The following SYT6 variants were observed in gnomAD, a reference collection of about 807,000 sequenced individuals.
The protein encoded by SYT6 is synaptotagmin 6.
SYT6 carries 24 observed loss-of-function variants against 38.4 expected under a neutral mutation model. That is an observed-to-expected ratio of 0.62 (90% CI 0.45 to 0.88). SYT6 has a LOEUF of 0.88. SYT6 is among the 40% of genes least tolerant of loss of function. SYT6 has a pLI of 0.00. For missense variants in SYT6, 611 were observed against 621.0 expected (o/e 0.98, Z 0.17); for synonymous variants, 265 against 241.9 (o/e 1.10, Z -0.89).
chr1:114,149,645 G>C (rs907632801), intron 1 of SYT6, among the ~76,000 whole-genome samples: 7 of 152,072 alleles, frequency 4.6e-5, no homozygotes, highest in African/African-American at 1.7e-4. Context: ...AATATTATTA[G>C]TTTGGTGGAT....
chr1:114,139,544 T>C, intron 2 of SYT6, 71 bp downstream of exon 2: 1 of 1,581,632 alleles, frequency 6.3e-7, no homozygotes, highest in Non-Finnish European at 8.6e-7. Flanking sequence ...CCCCACAGGC[T>C]GGAATCCCAT....
Position 114,091,398 on chromosome 1 carries a change from G to A in SYT6, c.*736C>T, listed in dbSNP as rs1675293149. The A allele has an allele frequency of 6.6e-6, 1 of 152,412 alleles. No homozygotes were observed. The highest frequency in any genetic ancestry group is 6.5e-5 in the Admixed American group (1 of 15,292). The allele number at this position is 152,412 out of a possible 1,614,324, so 9.4% of individuals were successfully genotyped here. On this transcript the variant is annotated 3_prime_UTR_variant, in exon 8 of 8. Transcript: ENST00000610222. ...TTCAATTCATGGGGAAAGCCAGCGA[G>A]GAAGGGGAGCGAGGAACCCTGCACA...
At chr1:114,096,178 G>A (rs1216011569) in intron 6 of SYT6, among the ~76,000 whole-genome samples, 2 of 152,164 alleles carry the variant, frequency 1.3e-5, no homozygotes, top group Non-Finnish European at 2.9e-5. Flanking sequence ...GGTGCTGGAT[G>A]CTGTCTGCAG....
At chr1:114,110,546 G>T (rs751132924) in intron 3 of SYT6, among the ~76,000 whole-genome samples, 2 of 152,188 alleles carry the variant, frequency 1.3e-5, no homozygotes, top group African/African-American at 4.8e-5. Flanking sequence ...GTAAGCAAAG[G>T]GTAAGAGGGA....
intron 3 of SYT6, among the ~76,000 whole-genome samples, chr1:114,113,926 C>G (rs887518518): frequency 6.6e-6 from 1 of 152,210 alleles, no homozygotes; most frequent in Non-Finnish European, 1.5e-5. Flanking sequence ...GGGCCCTCCA[C>G]GAACGGGGCT....
Position 114,090,471 on chromosome 1 carries a change from T to C in SYT6, c.*1663A>G, listed in dbSNP as rs1380286103. ...TCATTTTTAGGGCTAGAAGATACTA[T>C]GCAGCGTTCTATCAGCAGAGAAATC... On this transcript the variant is annotated 3_prime_UTR_variant, in exon 8 of 8. Transcript: ENST00000610222. 6.6e-6 allele frequency: 1 copy of C among 152,406 alleles called. No individual in the cohort carries two copies. Among genetic ancestry groups the C allele is most frequent in the Non-Finnish European group, 1.5e-5 (1 of 68,050 alleles). The allele number at this position is 152,406 out of a possible 1,614,324, so 9.4% of individuals were successfully genotyped here.
intron 1 of SYT6, among the ~76,000 whole-genome samples, chr1:114,144,016 T>A (rs1284396670): frequency 6.6e-6 from 1 of 152,230 alleles, no homozygotes; most frequent in Non-Finnish European, 1.5e-5. Context: ...AAGGGCATAC[T>A]TTGCAGGGTT....
intron 3 of SYT6, among the ~76,000 whole-genome samples, chr1:114,110,866 T>C (rs677635): frequency 0.38 from 57,746 of 152,030 alleles, 11,608 homozygotes; most frequent in Non-Finnish European, 0.43. Context: ...GCCCACTCCC[T>C]CCAATCCATC....
chr1:114,146,599 G>A (rs929335899), intron 1 of SYT6, among the ~76,000 whole-genome samples: 16 of 152,178 alleles, frequency 1.1e-4, no homozygotes, highest in South Asian at 2.1e-4. Context: ...TACACCACAC[G>A]TTCACTTCAG....
At chr1:114,149,223 G>GTGTGTGTGTGTGTGTGTGTGCGCGCA (rs531593752) in intron 1 of SYT6, among the ~76,000 whole-genome samples, 15,933 of 133,098 alleles carry the variant, frequency 0.12, 1,380 homozygotes, top group East Asian at 0.4. Flanking sequence ...GAGATTGTGT[G>GTGTGTGTGTGTGTGTGTGTGCGCGCA]TGTGTGTGTG....
chr1:114,099,128 C>G lies in SYT6; in HGVS notation c.1330G>C (p.Val444Leu), dbSNP rs751002681. Residue 444 changes from valine (V) to leucine (L), a missense_variant, in exon 5 of 8, where the codon GTC becomes CTC. Val to Leu is a conservative substitution (Grantham distance 32). Coordinates refer to ENST00000610222, the MANE Select transcript of SYT6 (RefSeq NM_001253772.2). ...FDIPPENMDQ[V>L]SLLISVMDYD... ...TCCATGACTGAGATGAGCAGGCTGA[C>G]TTGATCCATGTTTTCCGGGGGAATG... is the stretch of plus-strand genomic sequence containing the variant. The G allele has an allele frequency of 6.2e-7, 1 of 1,613,982 alleles. No homozygotes were observed. Among genetic ancestry groups the G allele is most frequent in the Non-Finnish European group, 8.5e-7 (1 of 1,179,906 alleles).
At chr1:114,103,806 G>A in intron 3 of SYT6, 85 bp from the exon 4 acceptor site, 2 of 1,511,984 alleles carry the variant, frequency 1.3e-6, no homozygotes, top group Non-Finnish European at 8.9e-7. Context: ...GGGGCGCTCT[G>A]GGGTCAGGAG....
chr1:114,135,753 A>G (rs867098136), intron 3 of SYT6, among the ~76,000 whole-genome samples: 7 of 152,310 alleles, frequency 4.6e-5, no homozygotes, highest in South Asian at 2.1e-4. Flanking sequence ...GGAGCAAAGG[A>G]GGCTCCTAGA....
intron 2 of SYT6, 90 bp from the exon 3 acceptor site, chr1:114,138,143 C>T: frequency 2.3e-6 from 3 of 1,279,300 alleles, no homozygotes; most frequent in African/African-American, 1.5e-5. Flanking sequence ...GGCCCTGGCT[C>T]ATCTTATCCC....
At chr1:114,118,290 A>T (rs1677124489) in intron 3 of SYT6, among the ~76,000 whole-genome samples, 1 of 152,256 alleles carries the variant, frequency 6.6e-6, no homozygotes, top group Admixed American at 6.5e-5. Flanking sequence ...ATGTTCTGCC[A>T]GAGCCAGCTA....
chr1:114,135,509 G>A (rs1557760956), intron 3 of SYT6, among the ~76,000 whole-genome samples: 1 of 131,278 alleles, frequency 7.6e-6, no homozygotes, highest in Non-Finnish European at 1.7e-5. Flanking sequence ...AATGATACTA[G>A]TTGAGGATGA....
intron 1 of SYT6, among the ~76,000 whole-genome samples, chr1:114,147,678 A>T (rs1035056453): frequency 1.3e-5 from 2 of 152,244 alleles, no homozygotes; most frequent in Non-Finnish European, 2.9e-5. Context: ...CACAGCATGT[A>T]TCATCTTCAT....
chr1:114,120,768 G>T (rs1677343465), intron 3 of SYT6, among the ~76,000 whole-genome samples: 1 of 152,234 alleles, frequency 6.6e-6, no homozygotes, highest in African/African-American at 2.4e-5. Context: ...AAGGTGACTT[G>T]TTACCAATAT....
chr1:114,092,317 T>G (rs914686520), intron 7 of SYT6, among the ~76,000 whole-genome samples: 4 of 139,126 alleles, frequency 2.9e-5, no homozygotes, highest in Non-Finnish European at 4.6e-5. Flanking sequence ...CTTAACTCTC[T>G]CTCTCTCTCT....
Sources: gnomAD v4.1 joint callset for allele counts (sites outside exome capture counted in the v4.1 genomes callset) on GRCh38, gnomAD v4.1.1 for gene constraint, MANE v1.5 for transcripts, NCBI Gene and HGNC (gene_info 2026-07-23, HGNC 2026-07-21) for gene names.